The following CEACAM5 variants were observed in gnomAD, a reference collection of about 807,000 sequenced individuals.
CEACAM5 encodes cell adhesion molecule CEACAM5.
In CEACAM5, 52 loss-of-function variants were observed where a neutral mutation model predicts 63.0. That is an observed-to-expected ratio of 0.83 (90% CI 0.66 to 1.04). The LOEUF is 1.04. Ranked by LOEUF, CEACAM5 falls within the 50% of genes least tolerant of loss-of-function variation. The pLI is 0.00. For missense variants in CEACAM5, 790 were observed against 864.8 expected, an observed-to-expected ratio of 0.91 and a Z score of 1.08; for synonymous variants, 357 against 351.3, an observed-to-expected ratio of 1.02 and a Z score of -0.18.
At chr19:41,723,523 G>A (rs1335120428) in intron 8 of CEACAM5, among the ~76,000 whole-genome samples, 1 of 152,000 alleles carries the variant, frequency 6.6e-6, no homozygotes, top group Non-Finnish European at 1.5e-5. Flanking sequence ...GGATTTTTGT[G>A]GTTGTTGATT....
rs782063496 is a variant in CEACAM5, at chr19:41,721,022, G to C, written c.1872G>C (p.Gln624His). ...SCHSASNPSP[Q>H]YSWRINGIPQ... ...ACTCGGCCTCTAACCCATCCCCGCA[G>C]TATTCTTGGCGTATCAATGGGATAC... is the stretch of plus-strand genomic sequence containing the variant. The change falls in exon 8 of 10, where the codon CAG (glutamine) becomes CAC (histidine). Residue 624 changes from glutamine (Q) to histidine (H), a missense_variant. Physicochemically the swap from Gln to His is conservative, Grantham distance 24. Transcript: ENST00000221992. 19 of 1,614,134 alleles carry C rather than the reference G, an allele frequency of 1.2e-5. No individual in the cohort carries two copies. In the East Asian group the frequency reaches 4.0e-4, roughly 34 times the overall value.
intron 3 of CEACAM5, 199 bp downstream of exon 3, chr19:41,715,448 T>A (rs1389813663): frequency 2.7e-6 from 3 of 1,126,358 alleles, no homozygotes; most frequent in East Asian, 5.0e-5. Flanking sequence ...GCTGCTTCTG[T>A]CCTGGGAGGC....
chr19:41,727,306 C>T lies in CEACAM5; in HGVS notation c.2099C>T (p.Ala700Val). The T allele has an allele frequency of 6.2e-7, 1 of 1,612,962 alleles. No homozygotes were observed. The highest frequency in any genetic ancestry group is 8.5e-7 in the Non-Finnish European group (1 of 1,178,922). ...ATGATTGGAGTGCTGGTTGGGGTTG[C>T]TCTGATATAGCAGCCCTGGTGTAGT... ...GIMIGVLVGV[A>V]LI The change falls in exon 9 of 10, where the codon GCT becomes GTT. Residue 700 changes from alanine to valine, a missense_variant. By Grantham distance (64) the Ala-to-Val change is moderately conservative (BLOSUM62 0). Transcript: ENST00000221992.
At position 41,727,323 on chromosome 19, in the gene CEACAM5, T is replaced by A; in HGVS notation, c.*7T>A. On this transcript the variant is annotated 3_prime_UTR_variant, in exon 9 of 10. Coordinates refer to ENST00000221992, the MANE Select transcript of CEACAM5 (RefSeq NM_004363.6). Reference sequence around the variant, plus strand: ...TGGGGTTGCTCTGATATAGCAGCCCTGGTGTAGTTTCTTCATTTCAGGAAG... The same window carrying A: ...TGGGGTTGCTCTGATATAGCAGCCCAGGTGTAGTTTCTTCATTTCAGGAAG... 1 of 1,602,496 alleles carries A rather than the reference T, an allele frequency of 6.2e-7. No homozygotes were observed. Among genetic ancestry groups the A allele is most frequent in the Non-Finnish European group, 8.5e-7 (1 of 1,169,816 alleles).
chr19:41,726,808 C>T (rs1292534919), intron 8 of CEACAM5, among the ~76,000 whole-genome samples: 1 of 152,196 alleles, frequency 6.6e-6, no homozygotes, highest in Admixed American at 6.5e-5. Context: ...GAAGCGAGTT[C>T]TCTGTGCAAC....
At position 41,727,263 on chromosome 19, in the gene CEACAM5, G is replaced by A; in HGVS notation, c.2056G>A (p.Gly686Arg). ...TGGAACTTCTCCTGGTCTCTCAGCT[G>A]GGGCCACTGTCGGCATCATGATTGG... is the stretch of plus-strand genomic sequence containing the variant. ...ASGTSPGLSAGATVGIMIGVL... is the reference protein window; with the variant it reads ...ASGTSPGLSARATVGIMIGVL... The change falls in exon 9 of 10, where the codon GGG becomes AGG. Residue 686 changes from glycine (G) to arginine (R), a missense_variant. Transcript: ENST00000221992. 1 of 1,614,016 alleles carries A rather than the reference G, an allele frequency of 6.2e-7. No homozygotes were observed. The highest frequency in any genetic ancestry group is 8.5e-7 in the Non-Finnish European group (1 of 1,179,876).
At chr19:41,719,257 G>A (rs1439710995) in intron 6 of CEACAM5, among the ~76,000 whole-genome samples, 1 of 152,160 alleles carries the variant, frequency 6.6e-6, no homozygotes, top group East Asian at 1.9e-4. Context: ...TCTAACATAA[G>A]ACACCATTTT....
intron 4 of CEACAM5, 50 bp downstream of exon 4, chr19:41,715,954 C>G (rs1555815002): frequency 2.5e-6 from 4 of 1,586,770 alleles, no homozygotes. Flanking sequence ...TGGAGTCTGT[C>G]TGGTTTTCAA....
chr19:41,728,937 A>G (rs1193214684), intron 9 of CEACAM5, among the ~76,000 whole-genome samples: 1 of 152,130 alleles, frequency 6.6e-6, no homozygotes, highest in African/African-American at 2.4e-5. Flanking sequence ...CTTATTTGAT[A>G]TGTTAAATTA....
Position 41,715,689 on chromosome 19 carries a change from C to T in CEACAM5, c.743C>T (p.Ser248Phe). Residue 248 changes from serine to phenylalanine, a missense_variant, in exon 4 of 10, where the codon TCT becomes TTT. Physicochemically the swap from Ser to Phe is radical, Grantham distance 155. Transcript: ENST00000221992. ...DAPTISPLNT[S>F]YRSGENLNLS... ...CCCACCATTTCCCCTCTAAACACAT[C>T]TTACAGATCAGGGGAAAATCTGAAC... is the stretch of plus-strand genomic sequence containing the variant. 6.2e-7 allele frequency: 1 copy of T among 1,614,204 alleles called. No homozygotes were observed. The highest frequency in any genetic ancestry group is 8.5e-7 in the Non-Finnish European group (1 of 1,180,040).
Position 41,709,751 on chromosome 19 carries a change from G to A in CEACAM5, c.136G>A (p.Ala46Thr), listed in dbSNP as rs140477498. ...LTIESTPFNV[A>T]EGKEVLLLVH... ...TATTGAATCCACGCCGTTCAATGTC[G>A]CAGAGGGGAAGGAGGTGCTTCTACT... is the stretch of plus-strand genomic sequence containing the variant. The change falls in exon 2 of 10, where the codon GCA becomes ACA. Residue 46 changes from alanine to threonine, a missense_variant. Ala to Thr is a moderately conservative substitution (Grantham distance 58). Transcript: ENST00000221992. 0.029 allele frequency: 47,057 copies of A among 1,614,070 alleles called. 926 individuals are homozygous for A. The highest frequency in any genetic ancestry group is 0.097 in the Admixed American group (5,809 of 60,006).
At chr19:41,714,241 T>C (rs2072482845) in intron 2 of CEACAM5, among the ~76,000 whole-genome samples, 1 of 152,030 alleles carries the variant, frequency 6.6e-6, no homozygotes, top group Non-Finnish European at 1.5e-5. Flanking sequence ...ACAAAGAACA[T>C]ACATATGGTT....
chr19:41,727,239 G>A lies in CEACAM5; in HGVS notation c.2032G>A (p.Gly678Arg), dbSNP rs9621. Residue 678 changes from glycine (G) to arginine (R), a missense_variant, in exon 9 of 10, where the codon GGA becomes AGA. By Grantham distance (125) the Gly-to-Arg change is moderately radical (BLOSUM62 -2). Transcript: ENST00000221992. Reference protein sequence around the residue: ...IVKSITVSASGTSPGLSAGAT... With the variant: ...IVKSITVSASRTSPGLSAGAT... ...TTCCATGACGGACGATTCAGCATCT[G>A]GAACTTCTCCTGGTCTCTCAGCTGG... 0.034 allele frequency: 55,139 copies of A among 1,612,432 alleles called. 1,134 individuals are homozygous for A. Among genetic ancestry groups the A allele is most frequent in the Non-Finnish European group, 0.042 (49,566 of 1,178,388 alleles).
rs2072558320 is a variant in CEACAM5, at chr19:41,718,164, C to A, written c.1274C>A (p.Thr425Asn). The change falls in exon 6 of 10, where the codon ACC becomes AAC. Residue 425 changes from threonine (T) to asparagine (N), a missense_variant. By Grantham distance (65) the Thr-to-Asn change is moderately conservative. Transcript: ENST00000221992. ...GACCCCACCATTTCCCCCTCATACA[C>A]CTATTACCGTCCAGGGGTGAACCTC... ...PDDPTISPSY[T>N]YYRPGVNLSL... 6.2e-7 allele frequency: 1 copy of A among 1,614,230 alleles called. No individual in the cohort carries two copies. Among genetic ancestry groups the A allele is most frequent in the South Asian group, 1.1e-5 (1 of 91,086 alleles).
intron 5 of CEACAM5, 112 bp from the exon 6 acceptor site, chr19:41,718,016 G>A: frequency 7.5e-7 from 1 of 1,329,988 alleles, no homozygotes; most frequent in Non-Finnish European, 1.0e-6. Context: ...GGTTTGGTTA[G>A]GACTTCAGGA....
intron 9 of CEACAM5, 103 bp downstream of exon 9, chr19:41,727,455 T>C (rs889436201): frequency 7.2e-6 from 5 of 690,808 alleles, no homozygotes; most frequent in Non-Finnish European, 1.3e-5. Context: ...ACTGGATCTC[T>C]TCCTCCTACC....
intron 9 of CEACAM5, 42 bp downstream of exon 9, chr19:41,727,394 G>A (rs1425461705): frequency 2.1e-5 from 21 of 977,988 alleles, no homozygotes; most frequent in Non-Finnish European, 3.0e-5. Flanking sequence ...TTCCTGCAGT[G>A]CTGACTGCCA....
rs782557844 is a variant in CEACAM5 at position 41,715,743 on chromosome 19, C to T, written c.797C>T (p.Pro266Leu). ...TCCTGCCACGCAGCCTCTAACCCAC[C>T]TGCACAGTACTCTTGGTTTGTCAAT... ...NLSCHAASNP[P>L]AQYSWFVNGT... Residue 266 changes from proline (P) to leucine (L), a missense_variant, in exon 4 of 10, where the codon CCT becomes CTT. Pro to Leu is a moderately conservative substitution (Grantham distance 98). Coordinates refer to ENST00000221992, the MANE Select transcript of CEACAM5 (RefSeq NM_004363.6). The T allele has an allele frequency of 6.2e-6, 10 of 1,614,220 alleles. No homozygotes were observed. The highest frequency in any genetic ancestry group is 8.5e-6 in the Non-Finnish European group (10 of 1,180,038).
chr19:41,710,860 A>AC (rs1568700134), intron 2 of CEACAM5, among the ~76,000 whole-genome samples: 1 of 152,218 alleles, frequency 6.6e-6, no homozygotes. Context: ...AGCTGAGATC[A>AC]AGTAATTGTA....
Sources: gnomAD v4.1 joint callset for allele counts (sites outside exome capture counted in the v4.1 genomes callset) on GRCh38, gnomAD v4.1.1 for gene constraint, MANE v1.5 for transcripts, NCBI Gene and HGNC (gene_info 2026-07-23, HGNC 2026-07-21) for gene names.